Variants in ITGA8 observed in about 807,000 individuals in gnomAD.
ITGA8 encodes integrin alpha-8.
ITGA8 carries 91 observed loss-of-function variants against 142.3 expected under a neutral mutation model. The observed-to-expected ratio is 0.64, with a 90% confidence interval of 0.54 to 0.76. The LOEUF (loss-of-function observed/expected upper bound fraction) is 0.76, where lower values mean the gene tolerates loss of function less well. Ranked by LOEUF, ITGA8 falls within the 30% of genes least tolerant of loss-of-function variation. The pLI is 0.00. For synonymous variants in ITGA8, 505 were observed against 485.2 expected, an observed-to-expected ratio of 1.04 and a Z score of -0.54; for missense variants, 1,406 against 1,327.7, an observed-to-expected ratio of 1.06 and a Z score of -0.92.
At chr10:15,554,328 A>G (rs1833846000) in intron 26 of ITGA8, among the ~76,000 whole-genome samples, 1 of 152,080 alleles carries the variant, frequency 6.6e-6, no homozygotes. Flanking sequence ...ACTGCAGGAG[A>G]GGCAGAGCCT....
chr10:15,700,224 C>T (rs1835136388), intron 2 of ITGA8, among the ~76,000 whole-genome samples: 1 of 152,124 alleles, frequency 6.6e-6, no homozygotes, highest in African/African-American at 2.4e-5. Context: ...CTGAGCAATC[C>T]ATTTCTTCCC....
At chr10:15,639,845 T>C (rs963734490) in intron 13 of ITGA8, among the ~76,000 whole-genome samples, 1 of 152,226 alleles carries the variant, frequency 6.6e-6, no homozygotes, top group African/African-American at 2.4e-5. Context: ...GATTTTAATA[T>C]GCAACCAAGG....
chr10:15,520,394 C>T (rs1833035957), intron 28 of ITGA8, among the ~76,000 whole-genome samples: 1 of 152,204 alleles, frequency 6.6e-6, no homozygotes, highest in Non-Finnish European at 1.5e-5. Flanking sequence ...GCCTAGGCAA[C>T]AGGGTGACAC....
intron 2 of ITGA8, among the ~76,000 whole-genome samples, chr10:15,709,359 C>A (rs566904712): frequency 1.3e-5 from 2 of 152,308 alleles, no homozygotes; most frequent in South Asian, 4.1e-4. Flanking sequence ...ACAGACACAC[C>A]TTTACAGAAC....
chr10:15,574,124 A>G (rs1267357138), intron 24 of ITGA8, among the ~76,000 whole-genome samples: 1 of 151,938 alleles, frequency 6.6e-6, no homozygotes, highest in East Asian at 2.0e-4. Context: ...GCCCAGCCAT[A>G]TATGTTGGCT....
chr10:15,618,304 A>T (rs1185623317), intron 13 of ITGA8, among the ~76,000 whole-genome samples: 1 of 152,258 alleles, frequency 6.6e-6, no homozygotes, highest in Non-Finnish European at 1.5e-5. Flanking sequence ...AGTTGAAACT[A>T]TAATTGGTTA....
intron 27 of ITGA8, among the ~76,000 whole-genome samples, chr10:15,536,685 G>A (rs1833445512): frequency 1.3e-5 from 2 of 152,134 alleles, no homozygotes; most frequent in South Asian, 2.1e-4. Context: ...TCTTGCCCCA[G>A]CTGGCTATTA....
Position 15,535,872 on chromosome 10 carries a change from G to C in ITGA8, c.2881-4721C>G, listed in dbSNP as rs567694598. On this transcript the variant is annotated intron_variant, in intron 27 of 29. Coordinates refer to ENST00000378076, the MANE Select transcript of ITGA8 (RefSeq NM_003638.3). ...GCTGCTCCCTCTTTGGGTCCACGCT[G>C]CCTTTATGAGCTGTAACACTCACCT... Among the ~76,000 whole-genome samples, 9 of 152,226 alleles carry C rather than the reference G, an allele frequency of 5.9e-5. No individual in the cohort carries two copies. In the South Asian group the frequency reaches 1.9e-3, roughly 32 times the overall value.
rs1387117998 is a variant in ITGA8 at position 15,628,323 on chromosome 10, GGTTT to G, written c.1400-11768_1400-11765del. Among the ~76,000 whole-genome samples the G allele has an allele frequency of 1.4e-3, 108 of 78,426 alleles. 1 individual carries two copies. Among genetic ancestry groups the G allele is most frequent in the Middle Eastern group, 7.7e-3 (1 of 130 alleles). The allele number at this position is 78,426 out of a possible 152,430, so 51.5% of individuals were successfully genotyped here. ...TATGGATTCACCTCTAATTTATTTTGGTTTTTTTTTTTTTTTTTTTTTTTTTTTG... is the reference window on the plus strand; with the variant it reads ...TATGGATTCACCTCTAATTTATTTTGTTTTTTTTTTTTTTTTTTTTTTTTG... On this transcript the variant is annotated intron_variant, in intron 13 of 29. Transcript: ENST00000378076.
chr10:15,574,714 T>TATA (rs147826228), intron 24 of ITGA8, among the ~76,000 whole-genome samples: 11,265 of 149,392 alleles, frequency 0.075, 770 homozygotes, highest in East Asian at 0.29. Flanking sequence ...TATATATATA[T>TATA]TTTTTTTTTA....
At chr10:15,630,063 A>C (rs1833657830) in intron 13 of ITGA8, among the ~76,000 whole-genome samples, 2 of 152,102 alleles carry the variant, frequency 1.3e-5, no homozygotes, top group African/African-American at 4.8e-5. Flanking sequence ...TTCTCGATTG[A>C]CACTGGTGAA....
chr10:15,670,419 A>G (rs1286844666), intron 8 of ITGA8, among the ~76,000 whole-genome samples: 1 of 152,234 alleles, frequency 6.6e-6, no homozygotes, highest in East Asian at 1.9e-4. Context: ...TAAGGAATAG[A>G]GAGTGTGAAG....
chr10:15,718,196 G>C (rs1835488788), intron 2 of ITGA8, among the ~76,000 whole-genome samples: 1 of 152,190 alleles, frequency 6.6e-6, no homozygotes, highest in Admixed American at 6.5e-5. Flanking sequence ...AGAAACATCT[G>C]TCTAGGGATT....
At chr10:15,560,636 T>A (rs1017531623) in intron 25 of ITGA8, among the ~76,000 whole-genome samples, 3 of 152,206 alleles carry the variant, frequency 2.0e-5, no homozygotes, top group African/African-American at 7.2e-5. Context: ...TGGACAGGTT[T>A]TAAAAATGAT....
chr10:15,585,020 C>G (rs1013142884), intron 23 of ITGA8, among the ~76,000 whole-genome samples: 1 of 152,066 alleles, frequency 6.6e-6, no homozygotes, highest in Non-Finnish European at 1.5e-5. Flanking sequence ...GCCTGGGTGA[C>G]AGAGTGAGAC....
At chr10:15,576,404 C>T (rs1027031210) in intron 23 of ITGA8, among the ~76,000 whole-genome samples, 40 of 152,130 alleles carry the variant, frequency 2.6e-4, no homozygotes, top group African/African-American at 9.7e-4. Context: ...TGATTACAAA[C>T]TAAATTATTA....
chr10:15,719,512 C>T, intron 1 of ITGA8, 51 bp downstream of exon 1: 4 of 1,470,652 alleles, frequency 2.7e-6, no homozygotes, highest in Non-Finnish European at 8.9e-7. Context: ...TGGGACCTGA[C>T]CCGGGAGCGC....
intron 13 of ITGA8, among the ~76,000 whole-genome samples, chr10:15,631,646 C>T (rs1833687243): frequency 6.6e-6 from 1 of 151,070 alleles, no homozygotes; most frequent in Non-Finnish European, 1.5e-5. Context: ...AGCAAATCAC[C>T]ATGGCACGGG....
At chr10:15,659,707 C>T (rs1047588870) in intron 9 of ITGA8, among the ~76,000 whole-genome samples, 1 of 152,126 alleles carries the variant, frequency 6.6e-6, no homozygotes, top group African/African-American at 2.4e-5. Context: ...CAAGATGAAA[C>T]CATCCGGGTA....
Sources: gnomAD v4.1 joint callset for allele counts (sites outside exome capture counted in the v4.1 genomes callset) on GRCh38, gnomAD v4.1.1 for gene constraint, MANE v1.5 for transcripts, NCBI Gene and HGNC (gene_info 2026-07-23, HGNC 2026-07-21) for gene names.